Variants in PDZRN3 observed in about 807,000 individuals in gnomAD.
PDZRN3 encodes PDZ domain containing ring finger 3.
Under a neutral mutation model 85.7 loss-of-function variants are expected in PDZRN3, and 38 were observed. The observed-to-expected ratio is 0.44, with a 90% confidence interval of 0.34 to 0.58. The LOEUF (loss-of-function observed/expected upper bound fraction) is 0.58. Among genes scored for constraint, PDZRN3 ranks in the 20% least tolerant of loss-of-function variants. PDZRN3 has a pLI of 0.01. For missense variants in PDZRN3, 1,629 were observed against 1,506.4 expected (o/e 1.08, Z -1.35); for synonymous variants, 759 against 638.0 (o/e 1.19, Z -2.86).
intron 3 of PDZRN3, among the ~76,000 whole-genome samples, chr3:73,441,078 A>T (rs377253052): frequency 3.5e-4 from 54 of 152,316 alleles, no homozygotes; most frequent in African/African-American, 1.2e-3. Context: ...CAAGAGGCAA[A>T]ATCAAGAAGA....
chr3:73,608,461 A>G lies in PDZRN3; in HGVS notation c.810+137T>C, dbSNP rs1002680258. The G allele has an allele frequency of 1.6e-5, 11 of 677,750 alleles. No homozygotes were observed. The African/African-American group carries it at 2.0e-4, about 12-fold the overall frequency. 42.0% of individuals were successfully genotyped at this position (677,750 alleles called of 1,614,324 possible). On this transcript the variant is annotated intron_variant, in intron 2 of 9. Transcript: ENST00000263666. ...ATCCCTAAGTGTGAAGATGTTAGAC[A>G]GCCAATGAACCCTCTAATGACAGAG...
chr3:73,479,632 C>A (rs907381633), intron 3 of PDZRN3, among the ~76,000 whole-genome samples: 1 of 152,122 alleles, frequency 6.6e-6, no homozygotes, highest in African/African-American at 2.4e-5. Context: ...TGAACAGGCC[C>A]AAGCCTTTCC....
At chr3:73,580,010 T>A (rs542358962) in intron 3 of PDZRN3, among the ~76,000 whole-genome samples, 1 of 152,312 alleles carries the variant, frequency 6.6e-6, no homozygotes, top group East Asian at 1.9e-4. Context: ...TCTCCACCTA[T>A]CATTTCCATG....
chr3:73,530,627 G>T (rs1355812038), intron 3 of PDZRN3, among the ~76,000 whole-genome samples: 1 of 146,484 alleles, frequency 6.8e-6, no homozygotes, highest in Non-Finnish European at 1.5e-5. Context: ...ATTGTGATGA[G>T]AACAATGCAG....
intron 3 of PDZRN3, among the ~76,000 whole-genome samples, chr3:73,512,956 T>C (rs750617318): frequency 1.3e-5 from 2 of 152,226 alleles, no homozygotes; most frequent in Non-Finnish European, 2.9e-5. Context: ...CTTTCATTTA[T>C]TTTAATGTAT....
At chr3:73,385,067 A>C in intron 9 of PDZRN3, 137 bp from the exon 10 acceptor site, 4 of 972,994 alleles carry the variant, frequency 4.1e-6, no homozygotes, top group Non-Finnish European at 4.5e-6. Flanking sequence ...TGACAGTAGG[A>C]CCACGTCAAT....
At chr3:73,425,266 C>T (rs1233052775) in intron 3 of PDZRN3, among the ~76,000 whole-genome samples, 1 of 152,116 alleles carries the variant, frequency 6.6e-6, no homozygotes, top group Non-Finnish European at 1.5e-5. Context: ...GATCCACCCG[C>T]CTCAGCCTCC....
At chr3:73,514,832 G>A (rs1704227963) in intron 3 of PDZRN3, among the ~76,000 whole-genome samples, 1 of 152,154 alleles carries the variant, frequency 6.6e-6, no homozygotes, top group Admixed American at 6.5e-5. Flanking sequence ...TATGTTCCCG[G>A]TACAAAGACA....
At chr3:73,578,669 A>G (rs1226753500) in intron 3 of PDZRN3, among the ~76,000 whole-genome samples, 1 of 152,204 alleles carries the variant, frequency 6.6e-6, no homozygotes, top group Non-Finnish European at 1.5e-5. Flanking sequence ...AAATCTGTCA[A>G]TACACTGGGG....
chr3:73,553,608 T>C (rs1701618532), intron 3 of PDZRN3, among the ~76,000 whole-genome samples: 1 of 151,730 alleles, frequency 6.6e-6, no homozygotes, highest in Admixed American at 6.6e-5. Flanking sequence ...TTATCCCCAT[T>C]TCAGAGACAA....
At position 73,492,742 on chromosome 3, in the gene PDZRN3, T is replaced by A. The variant is rs549004410; in HGVS notation, c.919-88347A>T. On this transcript the variant is annotated intron_variant, in intron 3 of 9. Transcript: ENST00000263666. ...CCTGTGGGGTGACTACAGTTAACAG[T>A]ACTGTGTATTTCAAAATGGCTAGGA... Among the ~76,000 whole-genome samples, 14 of 152,316 alleles carry A rather than the reference T, an allele frequency of 9.2e-5. No individual in the cohort carries two copies. In the South Asian group the frequency reaches 2.9e-3, roughly 32 times the overall value.
Position 73,388,030 on chromosome 3 carries a change from C to T in PDZRN3, c.1456G>A (p.Ala486Thr). The T allele has an allele frequency of 6.3e-7, 1 of 1,598,322 alleles. No individual in the cohort carries two copies. The highest frequency in any genetic ancestry group is 2.2e-5 in the East Asian group (1 of 44,558). ...IEVQNREEAVALLTSEENKNF... is the reference protein window; with the variant it reads ...IEVQNREEAVTLLTSEENKNF... The stretch of plus-strand genomic sequence containing the variant: ...TTATTTTCTTCACTGGTTAGAAGAG[C>T]CACAGCCTCTTCACGGTTCTGCACC... Residue 486 changes from alanine to threonine, a missense_variant, in exon 8 of 10, where the codon GCT (alanine) becomes ACT (threonine). Transcript: ENST00000263666.
At chr3:73,547,349 G>C (rs1004968918) in intron 3 of PDZRN3, among the ~76,000 whole-genome samples, 1 of 152,224 alleles carries the variant, frequency 6.6e-6, no homozygotes, top group Non-Finnish European at 1.5e-5. Flanking sequence ...TTAAGTGACA[G>C]CAGCACCAAC....
chr3:73,580,794 T>C lies in PDZRN3; in HGVS notation c.918+21560A>G, dbSNP rs1333372718. Among the ~76,000 whole-genome samples the C allele has an allele frequency of 3.3e-5, 5 of 152,364 alleles. No individual in the cohort carries two copies. In the South Asian group the frequency reaches 8.3e-4, roughly 25 times the overall value. Reference sequence around the variant, plus strand: ...AAAAGTGCATATGGACCTTTTCCTATACCTCTCTGGACATCTGTGGCTGAG... The same window carrying C: ...AAAAGTGCATATGGACCTTTTCCTACACCTCTCTGGACATCTGTGGCTGAG... On this transcript the variant is annotated intron_variant, in intron 3 of 9. Coordinates refer to ENST00000263666, the MANE Select transcript of PDZRN3 (RefSeq NM_015009.3).
chr3:73,499,991 G>A (rs1431441359), intron 3 of PDZRN3, among the ~76,000 whole-genome samples: 1 of 152,064 alleles, frequency 6.6e-6, no homozygotes, highest in East Asian at 1.9e-4. Flanking sequence ...TAGTGTTGAG[G>A]ATTTCTTTCA....
chr3:73,441,265 T>C (rs1252079206), intron 3 of PDZRN3, among the ~76,000 whole-genome samples: 1 of 151,702 alleles, frequency 6.6e-6, no homozygotes, highest in African/African-American at 2.4e-5. Context: ...ATACAAAAAT[T>C]AGTTGGGCGT....
At chr3:73,395,670 T>TTTAAG (rs879722261) in intron 5 of PDZRN3, among the ~76,000 whole-genome samples, 11 of 152,200 alleles carry the variant, frequency 7.2e-5, no homozygotes, top group Non-Finnish European at 1.2e-4. Flanking sequence ...GCTGTGCACA[T>TTTAAG]TTAAGTTATC....
At chr3:73,497,044 A>C (rs769446400) in intron 3 of PDZRN3, among the ~76,000 whole-genome samples, 3 of 152,214 alleles carry the variant, frequency 2.0e-5, no homozygotes, top group African/African-American at 4.8e-5. Flanking sequence ...AATGTGACTA[A>C]TACACACTTT....
chr3:73,573,425 GGTTA>G (rs1452072464), intron 3 of PDZRN3, among the ~76,000 whole-genome samples: 8 of 152,300 alleles, frequency 5.3e-5, no homozygotes, highest in East Asian at 3.9e-4. Context: ...TTCTAGCAGA[GGTTA>G]ACACACGTCA....
Sources: allele counts gnomAD v4.1 joint callset (sites outside exome capture counted in the v4.1 genomes callset), GRCh38; gene constraint gnomAD v4.1.1; transcripts MANE v1.5; gene names NCBI Gene and HGNC (gene_info 2026-07-23, HGNC 2026-07-21).